The following RGS3 variants were observed in gnomAD, a reference collection of about 807,000 sequenced individuals.
The protein encoded by RGS3 is regulator of G-protein signalling 3.
In RGS3, 80 loss-of-function variants were observed where a neutral mutation model predicts 132.6. The ratio of observed to expected loss-of-function variants is 0.60; its 90% CI spans 0.50 to 0.73. The LOEUF is 0.73. Among genes scored for constraint, RGS3 ranks in the 30% least tolerant of loss-of-function variants. RGS3 has a pLI of 0.00. For missense variants in RGS3, 1,382 were observed against 1,530.8 expected (o/e 0.90, Z 1.62); for synonymous variants, 598 against 620.6 (o/e 0.96, Z 0.54).
intron 17 of RGS3, among the ~76,000 whole-genome samples, chr9:113,524,656 C>T (rs1046552956): frequency 6.6e-6 from 1 of 152,226 alleles, no homozygotes. Context: ...CTTCAGCTGG[C>T]CCTTTCCCTT....
chr9:113,584,390 T>C, exon 20 of RGS3: 3 of 1,535,756 alleles, frequency 2.0e-6, no homozygotes, highest in Non-Finnish European at 8.7e-7. Flanking sequence ...GGTGGCTCCA[T>C]GCACCACCTT....
At chr9:113,485,218 G>A (rs760274774) in intron 6 of RGS3, among the ~76,000 whole-genome samples, 1 of 152,100 alleles carries the variant, frequency 6.6e-6, no homozygotes, top group Non-Finnish European at 1.5e-5. Flanking sequence ...CTCTGGAGTA[G>A]CTGGGACTAC....
chr9:113,532,791 A>G (rs903362325), intron 18 of RGS3, among the ~76,000 whole-genome samples: 4 of 152,108 alleles, frequency 2.6e-5, no homozygotes, highest in African/African-American at 9.7e-5. Context: ...CCCTCCCAGG[A>G]TGGGGGGAGC....
intron 20 of RGS3, 101 bp downstream of exon 18, chr9:113,584,528 A>C: frequency 7.7e-7 from 1 of 1,292,034 alleles, no homozygotes; most frequent in Non-Finnish European, 1.0e-6. Flanking sequence ...CACCCCCACT[A>C]TCCTGGCAGC....
At chr9:113,531,619 T>G (rs1001092945) in intron 18 of RGS3, among the ~76,000 whole-genome samples, 1 of 152,200 alleles carries the variant, frequency 6.6e-6, no homozygotes, top group Non-Finnish European at 1.5e-5. Context: ...GATTTATTGG[T>G]CTTTTAAGAA....
intron 19 of RGS3, among the ~76,000 whole-genome samples, chr9:113,575,122 C>T (rs557064305): frequency 6.6e-6 from 1 of 152,186 alleles, no homozygotes; most frequent in Non-Finnish European, 1.5e-5. Flanking sequence ...GCCGCCTCCC[C>T]GCCCTGGGAG....
intron 7 of RGS3, among the ~76,000 whole-genome samples, chr9:113,491,562 C>CG (rs1564480237): frequency 6.8e-6 from 1 of 147,814 alleles, no homozygotes; most frequent in Non-Finnish European, 1.5e-5. Flanking sequence ...AGGACATAAT[C>CG]TTTTTTTTTT....
chr9:113,458,744 A>G (rs1476449902), upstream of RGS3, among the ~76,000 whole-genome samples: 2 of 151,998 alleles, frequency 1.3e-5, no homozygotes, highest in African/African-American at 4.8e-5. Context: ...GCTCTATTGT[A>G]TATTTTCTTT....
chr9:113,595,128 C>T (rs884992), intron 23 of RGS3, 148 bp downstream of exon 21: 487,099 of 725,148 alleles, frequency 0.67, 164,792 homozygotes, highest in Middle Eastern at 0.76. Context: ...GGGCTGAGCC[C>T]AAGCTGAGGC....
At chr9:113,540,217 G>A (rs1380123136) in intron 19 of RGS3, among the ~76,000 whole-genome samples, 1 of 152,104 alleles carries the variant, frequency 6.6e-6, no homozygotes, top group Non-Finnish European at 1.5e-5. Flanking sequence ...CATGGGGACT[G>A]CTGCGAGGCT....
At position 113,507,334 on chromosome 9, in the gene RGS3, A is replaced by C. The variant is rs749849310; in HGVS notation, c.1133A>C (p.Gln378Pro). The C allele has an allele frequency of 1.9e-6, 3 of 1,613,926 alleles. No homozygotes were observed. The Admixed American group carries it at 5.0e-5, about 27-fold the overall frequency. ...CTACTCGTGTGGCGCATGGTCCCCCAGGTCAAGCCAGGACCAGATGGCGGG... is the reference window on the plus strand; with the variant it reads ...CTACTCGTGTGGCGCATGGTCCCCCCGGTCAAGCCAGGACCAGATGGCGGG... Residue 378 changes from glutamine (Q) to proline (P), a missense_variant, in exon 13 of 25, where the codon CAG becomes CCG. By Grantham distance (76) the Gln-to-Pro change is moderately conservative (BLOSUM62 -1). Coordinates refer to ENST00000350696, the Ensembl canonical transcript of RGS3. The surrounding 1 kb of genome is among the most constrained non-coding windows in gnomAD (Gnocchi z 5.0).
intron 18 of RGS3, among the ~76,000 whole-genome samples, chr9:113,534,187 G>A (rs1832587652): frequency 6.6e-6 from 1 of 152,220 alleles, no homozygotes; most frequent in Non-Finnish European, 1.5e-5. Context: ...CTCAAGGCCT[G>A]CTTTCGCTGC....
At chr9:113,576,366 T>A (rs948605545) in intron 19 of RGS3, among the ~76,000 whole-genome samples, 1 of 149,172 alleles carries the variant, frequency 6.7e-6, no homozygotes, top group African/African-American at 2.5e-5. Flanking sequence ...AGAGTCTTGC[T>A]CTGTCACCAG....
At position 113,506,524 on chromosome 9, in the gene RGS3, T is replaced by C. The variant is rs2119324511; in HGVS notation, c.1085+31T>C. 1 of 1,443,436 alleles carries C rather than the reference T, an allele frequency of 6.9e-7. No individual in the cohort carries two copies. Among genetic ancestry groups the C allele is most frequent in the Non-Finnish European group, 9.6e-7 (1 of 1,045,370 alleles). The allele number at this position is 1,443,436 out of a possible 1,614,324, so 89.4% of individuals were successfully genotyped here. On this transcript the variant is annotated intron_variant, in intron 12 of 24. Transcript: ENST00000350696. The surrounding 1 kb of genome is among the most constrained non-coding windows in gnomAD (Gnocchi z 4.7). ...AGGGGACAGCGGGTGGCCTGGGGCCTCAGGCTGATGGCACACCCTCCCCAC... is the reference window on the plus strand; with the variant it reads ...AGGGGACAGCGGGTGGCCTGGGGCCCCAGGCTGATGGCACACCCTCCCCAC...
chr9:113,564,743 G>A (rs755697762), intron 19 of RGS3, among the ~76,000 whole-genome samples: 2 of 152,220 alleles, frequency 1.3e-5, no homozygotes, highest in Admixed American at 6.5e-5. Context: ...TTCCACATAG[G>A]ATTCTGCAGA....
At position 113,473,360 on chromosome 9, in the gene RGS3, G is replaced by T. The variant is rs577956737; in HGVS notation, c.416-6131G>T. ...ACCCCAGCTCTGCCACTTACTGGCT[G>T]TGTGATTTGGACAACCTGTTTTAGC... On this transcript the variant is annotated intron_variant, in intron 3 of 24. Transcript: ENST00000350696. Among the ~76,000 whole-genome samples, 8 of 152,296 alleles carry T rather than the reference G, an allele frequency of 5.3e-5. No individual in the cohort carries two copies. The South Asian group carries it at 1.7e-3, about 32-fold the overall frequency.
intron 1 of RGS3, among the ~76,000 whole-genome samples, chr9:113,446,788 A>C (rs1337533645): frequency 6.6e-6 from 1 of 152,116 alleles, no homozygotes; most frequent in Admixed American, 6.5e-5. Context: ...AAGGTGGCAC[A>C]TGTCCAAAAG....
intron 3 of RGS3, among the ~76,000 whole-genome samples, chr9:113,478,098 T>A (rs1027503139): frequency 1.3e-5 from 2 of 152,172 alleles, no homozygotes; most frequent in African/African-American, 2.4e-5. Flanking sequence ...TTTCTTTTTT[T>A]AAAAAATTTA....
At chr9:113,468,783 C>T (rs1829730069) in intron 3 of RGS3, among the ~76,000 whole-genome samples, 1 of 152,086 alleles carries the variant, frequency 6.6e-6, no homozygotes, top group Non-Finnish European at 1.5e-5. Flanking sequence ...GCCTTTTCTG[C>T]AGGGTATCTG....
Sources: allele counts gnomAD v4.1 joint callset (sites outside exome capture counted in the v4.1 genomes callset), GRCh38; gene constraint gnomAD v4.1.1; non-coding constraint Gnocchi (gnomAD v3.1); transcripts MANE v1.5; gene names NCBI Gene and HGNC (gene_info 2026-07-23, HGNC 2026-07-21).